CTR9: variants seen among roughly 807,000 people sequenced by gnomAD.
The protein encoded by CTR9 is CTR9 component of Paf1/RNA polymerase II complex, also known as RNA polymerase-associated protein CTR9 homolog.
A neutral mutation model predicts 152.1 loss-of-function variants in CTR9; 41 were observed. The observed-to-expected ratio is 0.27, with a 90% CI of 0.21 to 0.35. CTR9 has a LOEUF of 0.35. Ranked by LOEUF, CTR9 falls within the 10% of genes least tolerant of loss-of-function variation. The probability of loss-of-function intolerance (pLI) is 1.00; values close to 1 mark genes in which losing one functional copy is unlikely to be tolerated. For synonymous variants in CTR9, 476 were observed against 496.2 expected (o/e 0.96, Z 0.54); for missense variants, 917 against 1,424.4 (o/e 0.64, Z 5.73).
At chr11:10,765,564 TG>T (rs1381546389) in intron 12 of CTR9, among the ~76,000 whole-genome samples, 3 of 151,842 alleles carry the variant, frequency 2.0e-5, no homozygotes, top group Admixed American at 1.3e-4. Flanking sequence ...CGGGTTGGAG[TG>T]ATTCTCCTGC....
chr11:10,773,337 G>C (rs1351478861), intron 21 of CTR9, 64 bp downstream of exon 21: 1 of 1,573,536 alleles, frequency 6.4e-7, no homozygotes, highest in Non-Finnish European at 8.6e-7. Context: ...TGAGAAATGA[G>C]GATAATTGGT....
rs972442404 is a variant in CTR9, at chr11:10,779,240, A to G, written c.*135A>G. The G allele has an allele frequency of 8.6e-6, 7 of 815,164 alleles. No individual in the cohort carries two copies. Among genetic ancestry groups the G allele is most frequent in the African/African-American group, 3.5e-5 (2 of 57,760 alleles). The allele number at this position is 815,164 out of a possible 1,614,324, so 50.5% of individuals were successfully genotyped here. On this transcript the variant is annotated 3_prime_UTR_variant, in exon 25 of 25. Transcript: ENST00000361367. Reference sequence around the variant, plus strand: ...AATTTTCTTTTCTATCAGTTTGTATATTACTAAGCCCCAAGAGACATTTCC... The same window carrying G: ...AATTTTCTTTTCTATCAGTTTGTATGTTACTAAGCCCCAAGAGACATTTCC...
intron 24 of CTR9, among the ~76,000 whole-genome samples, chr11:10,776,284 C>T (rs545017775): frequency 1.3e-5 from 2 of 152,216 alleles, no homozygotes; most frequent in South Asian, 2.1e-4. Context: ...GGGGTTTCTC[C>T]GTGTTGAGAG....
intron 21 of CTR9, 125 bp downstream of exon 21, chr11:10,773,398 A>G: frequency 7.1e-6 from 8 of 1,124,892 alleles, no homozygotes; most frequent in Non-Finnish European, 1.0e-5. Context: ...GTTAAGAGAC[A>G]GTCTTCTAAC....
intron 5 of CTR9, among the ~76,000 whole-genome samples, chr11:10,757,390 G>C (rs1331017006): frequency 6.6e-6 from 1 of 152,138 alleles, no homozygotes; most frequent in Non-Finnish European, 1.5e-5. Flanking sequence ...AGGAATTTGA[G>C]ACTAGCCTTT....
chr11:10,755,341 A>C (rs1278844740), intron 3 of CTR9, 144 bp downstream of exon 3: 1 of 1,018,970 alleles, frequency 9.8e-7, no homozygotes, highest in African/African-American at 1.6e-5. Flanking sequence ...GTTCCTCATT[A>C]AAATCGGAAT....
At position 10,758,096 on chromosome 11, in the gene CTR9, GTA is replaced by G. The variant is rs1481298628; in HGVS notation, c.592+1259_592+1260del. On this transcript the variant is annotated intron_variant, in intron 5 of 24. Coordinates refer to ENST00000361367, the MANE Select transcript of CTR9 (RefSeq NM_014633.5). ...GAGAGAAAGAGTTGGGGGGAAAGTA[GTA>G]AGAAATGGGGTCAAAGCTATAACCA... Among the ~76,000 whole-genome samples the G allele has an allele frequency of 2.0e-5, 3 of 152,220 alleles. No individual in the cohort carries two copies. The East Asian group carries it at 5.8e-4, about 29-fold the overall frequency.
chr11:10,757,820 A>G (rs1862910452), intron 5 of CTR9, among the ~76,000 whole-genome samples: 1 of 152,184 alleles, frequency 6.6e-6, no homozygotes, highest in Non-Finnish European at 1.5e-5. Context: ...GCTACCAGTA[A>G]GAGCCAAGGA....
At chr11:10,770,154 T>G in intron 16 of CTR9, 56 bp from the exon 17 acceptor site, 2 of 1,307,992 alleles carry the variant, frequency 1.5e-6, no homozygotes, top group Non-Finnish European at 2.1e-6. Flanking sequence ...TGCTACAAAA[T>G]GAAAATGTCA....
chr11:10,776,790 T>C (rs1863242042), intron 24 of CTR9, among the ~76,000 whole-genome samples: 1 of 151,506 alleles, frequency 6.6e-6, no homozygotes, highest in South Asian at 2.1e-4. Flanking sequence ...CTGGCTAACA[T>C]GGCAAAACCC....
chr11:10,778,461 A>G (rs909364505), intron 24 of CTR9, among the ~76,000 whole-genome samples: 3 of 152,238 alleles, frequency 2.0e-5, no homozygotes, highest in African/African-American at 7.2e-5. Flanking sequence ...AAAGTGCCTT[A>G]TCTTTTTTTC....
chr11:10,773,317 CT>C, intron 21 of CTR9, 44 bp downstream of exon 21: 1 of 1,589,536 alleles, frequency 6.3e-7, no homozygotes, highest in East Asian at 2.2e-5. Flanking sequence ...CATTCTCTGT[CT>C]TTTGGCTTTG....
chr11:10,753,316 C>T (rs1157601768), intron 2 of CTR9, among the ~76,000 whole-genome samples: 2 of 152,164 alleles, frequency 1.3e-5, no homozygotes, highest in African/African-American at 4.8e-5. Flanking sequence ...CCCTAAAATT[C>T]TATATCCTCT....
At chr11:10,773,057 T>C (rs1206196523) in intron 20 of CTR9, 70 bp from the exon 21 acceptor site, 1 of 1,528,172 alleles carries the variant, frequency 6.5e-7, no homozygotes, top group Admixed American at 2.2e-5. Flanking sequence ...CTGCTTAGGA[T>C]GGTAGCCATT....
Position 10,766,499 on chromosome 11 carries a change from T to C in CTR9, c.1686+9T>C, listed in dbSNP as rs1330105821. The C allele has an allele frequency of 1.9e-6, 3 of 1,551,372 alleles. No individual in the cohort carries two copies. Among genetic ancestry groups the C allele is most frequent in the Non-Finnish European group, 2.6e-6 (3 of 1,143,438 alleles). ...CTCTTCAGATTAATCAGGTTGGTAA[T>C]ATTAACTCTTAGGTTTGAGAAATAA... On this transcript the variant is annotated intron_variant, in intron 13 of 24. Transcript: ENST00000361367.
intron 22 of CTR9, 130 bp from the exon 23 acceptor site, chr11:10,775,077 T>G: frequency 1.5e-6 from 1 of 678,012 alleles, no homozygotes; most frequent in Non-Finnish European, 2.5e-6. Flanking sequence ...CCTTGAGGAG[T>G]GTACAGTATG....
chr11:10,769,271 G>A (rs1486736056), intron 16 of CTR9, among the ~76,000 whole-genome samples: 4 of 152,154 alleles, frequency 2.6e-5, no homozygotes, highest in Non-Finnish European at 4.4e-5. Context: ...TTTAATGACT[G>A]TAGAATTTTT....
intron 21 of CTR9, 80 bp from the exon 22 acceptor site, chr11:10,773,932 G>T: frequency 1.2e-6 from 1 of 833,946 alleles, no homozygotes; most frequent in Non-Finnish European, 1.8e-6. Context: ...CAATGGATAT[G>T]GCCCCTTTCT....
chr11:10,761,956 A>G lies in CTR9; in HGVS notation c.751A>G (p.Ile251Val), dbSNP rs1422604097. 1.2e-6 allele frequency: 2 copies of G among 1,605,086 alleles called. No individual in the cohort carries two copies. The highest frequency in any genetic ancestry group is 1.7e-5 in the Admixed American group (1 of 58,478). ...CAATGTTTTCTTTTAGGCTGATTCC[A>G]TTAAAAATGGTGTCCAGCTTCTTTC... ...LELNNKEADS[I>V]KNGVQLLSRA... Residue 251 changes from isoleucine to valine, a missense_variant, in exon 7 of 25, where the codon ATT (isoleucine) becomes GTT (valine). This residue lies in a region of CTR9 where 110 missense variants were observed against 149.5 expected (regional missense o/e 0.74). Coordinates refer to ENST00000361367, the MANE Select transcript of CTR9 (RefSeq NM_014633.5).
Sources: gnomAD v4.1 joint callset for allele counts (sites outside exome capture counted in the v4.1 genomes callset) on GRCh38, gnomAD v4.1.1 for gene constraint, gnomAD v4.1.1 regional missense constraint, MANE v1.5 for transcripts, NCBI Gene and HGNC (gene_info 2026-07-23, HGNC 2026-07-21) for gene names.